The following PEAK1 variants were observed in gnomAD, a reference collection of about 807,000 sequenced individuals.
The protein encoded by PEAK1 is pseudopodium enriched atypical kinase 1, also known as inactive tyrosine-protein kinase PEAK1.
In PEAK1, 54 loss-of-function variants were observed where a neutral mutation model predicts 124.7. That is an observed-to-expected ratio of 0.43 (90% CI 0.35 to 0.54). The LOEUF (loss-of-function observed/expected upper bound fraction) is 0.54, where lower values mean the gene tolerates loss of function less well. Among genes scored for constraint, PEAK1 ranks in the 20% least tolerant of loss-of-function variants. PEAK1 has a pLI of 0.01. For missense variants in PEAK1, 2,046 were observed against 2,134.5 expected (o/e 0.96, Z 0.82); for synonymous variants, 719 against 760.0 (o/e 0.95, Z 0.89).
At position 77,114,944 on chromosome 15, in the gene PEAK1, T is replaced by C. The variant is rs747810122; in HGVS notation, c.4453A>G (p.Ser1485Gly). ...ACCTGCCTCTCATACAAATCAGGGCTTTTCCCATGCTGGGCCAGAGAGTCT... is the reference window on the plus strand; with the variant it reads ...ACCTGCCTCTCATACAAATCAGGGCCTTTCCCATGCTGGGCCAGAGAGTCT... ...VRDSLAQHGK[S>G]PDLYERQVCL... Residue 1485 changes from serine (S) to glycine (G), a missense_variant, in exon 10 of 10, where the codon AGC becomes GGC. Coordinates refer to ENST00000682557, the MANE Select transcript of PEAK1 (RefSeq NM_001385026.1). The C allele has an allele frequency of 8.7e-6, 14 of 1,613,884 alleles. No individual in the cohort carries two copies. The highest frequency in any genetic ancestry group is 1.2e-5 in the Non-Finnish European group (14 of 1,180,002).
At chr15:77,145,476 C>T (rs935379467) in intron 8 of PEAK1, among the ~76,000 whole-genome samples, 6 of 151,898 alleles carry the variant, frequency 4.0e-5, no homozygotes, top group Admixed American at 6.6e-5. Flanking sequence ...TTCAGACTGA[C>T]GGGCCCTATA....
intron 1 of PEAK1, among the ~76,000 whole-genome samples, chr15:77,393,408 G>A (rs540911220): frequency 6.6e-6 from 1 of 152,338 alleles, no homozygotes; most frequent in African/African-American, 2.4e-5. Context: ...AAAGGGAAGA[G>A]TAAAGAGGAC....
At position 77,352,620 on chromosome 15, in the gene PEAK1, T is replaced by C. The variant is rs978907244; in HGVS notation, c.-603+12543A>G. The C allele has an allele frequency of 4.2e-6, 4 of 952,552 alleles. No homozygotes were observed. The African/African-American group carries it at 7.1e-5, about 17-fold the overall frequency. 59.0% of individuals were successfully genotyped at this position (952,552 alleles called of 1,614,324 possible). A position where few individuals can be genotyped will look rare whatever the true frequency, so the allele number is the denominator to read the frequency against. The stretch of plus-strand genomic sequence containing the variant: ...GAGAATTAGCAACTTCATACCATAC[T>C]CATGAATAACTGAATATTTCTGCCT... On this transcript the variant is annotated intron_variant, in intron 2 of 9. Coordinates refer to ENST00000682557, the MANE Select transcript of PEAK1 (RefSeq NM_001385026.1).
At chr15:77,186,170 T>C (rs746739465) in intron 6 of PEAK1, among the ~76,000 whole-genome samples, 2 of 152,122 alleles carry the variant, frequency 1.3e-5, no homozygotes, top group Non-Finnish European at 2.9e-5. Flanking sequence ...GAATTTAAAT[T>C]AAAAAATTCC....
At chr15:77,406,634 T>C (rs780792310) in intron 1 of PEAK1, among the ~76,000 whole-genome samples, 1 of 152,104 alleles carries the variant, frequency 6.6e-6, no homozygotes, top group Non-Finnish European at 1.5e-5. Flanking sequence ...AAACCACAGA[T>C]GACACAAATG....
At chr15:77,163,371 T>C (rs765727549) in intron 7 of PEAK1, among the ~76,000 whole-genome samples, 8 of 152,264 alleles carry the variant, frequency 5.3e-5, no homozygotes, top group Non-Finnish European at 1.0e-4. Flanking sequence ...GATTTGTCTG[T>C]TATATAAACA....
rs573291130 is a variant in PEAK1, at chr15:77,265,324, C to CA, written c.-274-12799dup. 3.0e-3 allele frequency among the ~76,000 whole-genome samples: 455 copies of CA among 152,242 alleles called. 2 individuals carry two copies. The highest frequency in any genetic ancestry group is 0.01 in the African/African-American group (428 of 41,552). On this transcript the variant is annotated intron_variant, in intron 5 of 9. Transcript: ENST00000682557. ...ACCAACAAAGTGAATAGACAACCCA[C>CA]AAAATGGGAGAAAATTTTCGCAACC...
chr15:77,246,110 G>A (rs1046417504), intron 6 of PEAK1, among the ~76,000 whole-genome samples: 33 of 148,476 alleles, frequency 2.2e-4, no homozygotes, highest in Admixed American at 5.4e-4. Flanking sequence ...CAGGGTTCAA[G>A]CAATTATCCT....
intron 1 of PEAK1, among the ~76,000 whole-genome samples, chr15:77,415,186 G>C (rs1357268236): frequency 6.6e-6 from 1 of 152,168 alleles, no homozygotes; most frequent in Non-Finnish European, 1.5e-5. Flanking sequence ...TCTACAATCT[G>C]AAATAAACAG....
chr15:77,203,464 G>C (rs1397907283), intron 6 of PEAK1, among the ~76,000 whole-genome samples: 1 of 152,026 alleles, frequency 6.6e-6, no homozygotes, highest in Non-Finnish European at 1.5e-5. Flanking sequence ...ACAACCCAAA[G>C]AATAAACACA....
intron 6 of PEAK1, among the ~76,000 whole-genome samples, chr15:77,203,038 G>GAAAA (rs528246915): frequency 1.2e-5 from 1 of 80,468 alleles, no homozygotes. Flanking sequence ...CCCTGTCTCA[G>GAAAA]AAAAAAAAAA....
At position 77,179,045 on chromosome 15, in the gene PEAK1, T is replaced by C; in HGVS notation, c.2882A>G (p.His961Arg). The change falls in exon 7 of 10, where the codon CAC becomes CGC. Residue 961 changes from histidine (H) to arginine (R), a missense_variant. His to Arg is a conservative substitution (Grantham distance 29). Coordinates refer to ENST00000682557, the MANE Select transcript of PEAK1 (RefSeq NM_001385026.1). The part of the protein sequence containing the change: ...KLVGLDGTVI[H>R]MLPPPPVQRH... Reference sequence around the variant, plus strand: ...CTGAACTGGAGGAGGAGGCAGCATGTGAATGACTGTGCCATCCAGGCCCAC... The same window carrying C: ...CTGAACTGGAGGAGGAGGCAGCATGCGAATGACTGTGCCATCCAGGCCCAC... 1 of 1,614,152 alleles carries C rather than the reference T, an allele frequency of 6.2e-7. No individual in the cohort carries two copies. The highest frequency in any genetic ancestry group is 8.5e-7 in the Non-Finnish European group (1 of 1,180,022).
chr15:77,352,537 T>G, intron 2 of PEAK1: 1 of 968,574 alleles, frequency 1.0e-6, no homozygotes, highest in Non-Finnish European at 1.2e-6. Flanking sequence ...CATTTTAAAT[T>G]TAAAATATAT....
Position 77,112,660 on chromosome 15 carries a change from TACACACACACACACACACACAC to T in PEAK1, c.*1474_*1495del, listed in dbSNP as rs10539940. 2.8e-5 allele frequency: 4 copies of T among 145,376 alleles called. No homozygotes were observed. Among genetic ancestry groups the T allele is most frequent in the South Asian group, 4.5e-4 (2 of 4,416 alleles). 9.0% of individuals were successfully genotyped at this position (145,376 alleles called of 1,614,324 possible). A position where few individuals can be genotyped will look rare whatever the true frequency, so the allele number is the denominator to read the frequency against. On this transcript the variant is annotated 3_prime_UTR_variant, in exon 10 of 10. Transcript: ENST00000682557. Reference sequence around the variant, plus strand: ...AAGCACAGGTGAACATGTGTATACATACACACACACACACACACACACACACACACACACACACACACACAAC... The same window carrying T: ...AAGCACAGGTGAACATGTGTATACATACACACACACACACACACACACAAC...
intron 1 of PEAK1, among the ~76,000 whole-genome samples, chr15:77,400,150 C>A (rs2071238171): frequency 6.6e-6 from 1 of 151,838 alleles, no homozygotes; most frequent in Non-Finnish European, 1.5e-5. Context: ...AAAAGACAGG[C>A]AATAATAACT....
intron 5 of PEAK1, 41 bp from the exon 6 acceptor site, chr15:77,252,567 TA>T: frequency 4.3e-6 from 4 of 928,330 alleles, no homozygotes; most frequent in Non-Finnish European, 5.1e-6. Context: ...GAGAGTAATA[TA>T]ATTTCAAATA....
At chr15:77,206,840 C>T (rs1405374776) in intron 6 of PEAK1, among the ~76,000 whole-genome samples, 4 of 152,128 alleles carry the variant, frequency 2.6e-5, no homozygotes, top group South Asian at 4.1e-4. Flanking sequence ...AATTAGATCG[C>T]ATCACACTAC....
exon 7 of PEAK1, chr15:77,102,841 C>T (rs1002466900): frequency 2.0e-5 from 3 of 151,766 alleles, no homozygotes; most frequent in African/African-American, 4.8e-5. Flanking sequence ...TTCATGTATT[C>T]GTTCCTCCAA....
intron 3 of PEAK1, among the ~76,000 whole-genome samples, chr15:77,285,941 G>A (rs1012853007): frequency 6.6e-6 from 1 of 151,820 alleles, no homozygotes; most frequent in Non-Finnish European, 1.5e-5. Flanking sequence ...TTTTAATTTC[G>A]ATGTTAGAGT....
Sources: gnomAD v4.1 joint callset for allele counts (sites outside exome capture counted in the v4.1 genomes callset) on GRCh38, gnomAD v4.1.1 for gene constraint, MANE v1.5 for transcripts, NCBI Gene and HGNC (gene_info 2026-07-23, HGNC 2026-07-21) for gene names.